DNAJA4: variants seen among roughly 807,000 people sequenced by gnomAD.
DNAJA4 encodes the protein dnaJ homolog subfamily A member 4.
In DNAJA4, 32 loss-of-function variants were observed where a neutral mutation model predicts 39.7. The observed-to-expected ratio is 0.81, with a 90% CI of 0.61 to 1.08. The LOEUF (loss-of-function observed/expected upper bound fraction) is 1.08. Ranked by LOEUF, DNAJA4 falls within the 50% of genes least tolerant of loss-of-function variation. The probability of loss-of-function intolerance (pLI) is 0.00; values close to 1 mark genes in which losing one functional copy is unlikely to be tolerated. For missense variants in DNAJA4, 439 were observed against 505.1 expected (o/e 0.87, Z 1.25); for synonymous variants, 184 against 182.4 (o/e 1.01, Z -0.07).
intron 2 of DNAJA4, among the ~76,000 whole-genome samples, chr15:78,272,712 A>G (rs953330782): frequency 1.3e-5 from 2 of 152,240 alleles, no homozygotes; most frequent in African/African-American, 4.8e-5. Context: ...GCTGCCAAAC[A>G]TTTATGTATA....
rs1341699510 is a variant in DNAJA4, at chr15:78,264,587, T to G, written c.-177T>G. On this transcript the variant is annotated 5_prime_UTR_variant, in exon 1 of 7. Transcript: ENST00000394852. Reference sequence around the variant, plus strand: ...AGTGCGGTGGAGCCAGGCGTGGAAGTCGGTCCGGCGCGGGGCGGGGGGCGG... The same window carrying G: ...AGTGCGGTGGAGCCAGGCGTGGAAGGCGGTCCGGCGCGGGGCGGGGGGCGG... 2.3e-5 allele frequency: 24 copies of G among 1,049,008 alleles called. No homozygotes were observed. In the East Asian group the frequency reaches 6.6e-4, roughly 29 times the overall value. The allele number at this position is 1,049,008 out of a possible 1,614,324, so 65.0% of individuals were successfully genotyped here.
chr15:78,267,240 C>T (rs552631613), intron 1 of DNAJA4, among the ~76,000 whole-genome samples: 2 of 146,876 alleles, frequency 1.4e-5, no homozygotes, highest in East Asian at 3.9e-4. Flanking sequence ...TCCACTTTAT[C>T]ACAGGTAGAA....
At chr15:78,270,476 C>A in intron 1 of DNAJA4, 21 bp from the exon 2 acceptor site, 1 of 1,579,808 alleles carries the variant, frequency 6.3e-7, no homozygotes, top group Non-Finnish European at 8.6e-7. Context: ...CTAAAAATCT[C>A]TCTCTCTCTC....
rs551287806 is a variant in DNAJA4, at chr15:78,276,425, A to G, written c.877+697A>G. On this transcript the variant is annotated intron_variant, in intron 5 of 6. Transcript: ENST00000394852. ...TCCTGAGGCCTGAGCTCAGCCCCCA[A>G]CCCCCCTGTAGACACCAGGGCACTC... is the stretch of plus-strand genomic sequence containing the variant. Among the ~76,000 whole-genome samples the G allele has an allele frequency of 5.9e-5, 9 of 152,216 alleles. No homozygotes were observed. In the South Asian group the frequency reaches 1.0e-3, roughly 18 times the overall value.
rs1439658943 is a variant in DNAJA4, at chr15:78,279,236, C to T, written c.878-809C>T. 1 of 152,146 alleles carries T rather than the reference C, an allele frequency of 6.6e-6. No homozygotes were observed. Among genetic ancestry groups the T allele is most frequent in the South Asian group, 2.1e-4 (1 of 4,824 alleles). The allele number at this position is 152,146 out of a possible 1,614,324, so 9.4% of individuals were successfully genotyped here. A position where few individuals can be genotyped will look rare whatever the true frequency, so the allele number is the denominator to read the frequency against. On this transcript the variant is annotated intron_variant, in intron 5 of 6. Coordinates refer to ENST00000394852, the MANE Select transcript of DNAJA4 (RefSeq NM_001130182.2). This position sits in a 1 kb window ranked among gnomAD's most constrained non-coding sequence, Gnocchi z 4.5. Reference sequence around the variant, plus strand: ...GGACTGCTGAAGAAATTAGTGTTTCCATTCCCCTCCACCGTCTCCCCCATT... The same window carrying T: ...GGACTGCTGAAGAAATTAGTGTTTCTATTCCCCTCCACCGTCTCCCCCATT...
intron 1 of DNAJA4, 75 bp downstream of exon 1, chr15:78,264,970 C>G: frequency 7.0e-7 from 1 of 1,423,524 alleles, no homozygotes. Context: ...TTGAAGGCGA[C>G]GGGAAACCTG....
chr15:78,274,705 G>A (rs1461559024), intron 4 of DNAJA4: 3 of 451,080 alleles, frequency 6.7e-6, no homozygotes, highest in African/African-American at 2.0e-5. Flanking sequence ...ACCTGGCCTT[G>A]GTTTGGGTTA....
At position 78,275,275 on chromosome 15, in the gene DNAJA4, C is replaced by G; in HGVS notation, c.647-223C>G. ...CCTGGGATGTAGAGCCGCATTCCCC[C>G]ACTCCCTGTGCATGCTGGGCTTGGC... On this transcript the variant is annotated intron_variant, in intron 4 of 6. Transcript: ENST00000394852. The G allele has an allele frequency of 5.4e-6, 3 of 554,160 alleles. No individual in the cohort carries two copies. In the Admixed American group the frequency reaches 9.4e-5, roughly 17 times the overall value. 34.3% of individuals were successfully genotyped at this position (554,160 alleles called of 1,614,324 possible). A position where few individuals can be genotyped will look rare whatever the true frequency, so the allele number is the denominator to read the frequency against.
At chr15:78,264,369 A>G, upstream of DNAJA4, 1 of 1,447,972 alleles carries the variant, frequency 6.9e-7, no homozygotes, top group Non-Finnish European at 9.0e-7. Flanking sequence ...GGGCAGCCAA[A>G]GGAGCAGACG....
rs1595929968 is a variant in DNAJA4 at position 78,279,956 on chromosome 15, A to G, written c.878-89A>G. On this transcript the variant is annotated intron_variant, in intron 5 of 6. Coordinates refer to ENST00000394852, the MANE Select transcript of DNAJA4 (RefSeq NM_001130182.2). This position sits in a 1 kb window ranked among gnomAD's most constrained non-coding sequence, Gnocchi z 4.5. Reference sequence around the variant, plus strand: ...CCTTTGCCCACTGCCACGGGGCACTAGGGCCTGCCGCAGGCTCTCCCATGA... The same window carrying G: ...CCTTTGCCCACTGCCACGGGGCACTGGGGCCTGCCGCAGGCTCTCCCATGA... 3 of 1,288,746 alleles carry G rather than the reference A, an allele frequency of 2.3e-6. No individual in the cohort carries two copies. Among genetic ancestry groups the G allele is most frequent in the Admixed American group, 2.0e-5 (1 of 49,528 alleles). 79.8% of individuals were successfully genotyped at this position (1,288,746 alleles called of 1,614,324 possible). A position where few individuals can be genotyped will look rare whatever the true frequency, so the allele number is the denominator to read the frequency against.
At chr15:78,277,366 G>C (rs1054857317) in intron 5 of DNAJA4, among the ~76,000 whole-genome samples, 1 of 152,300 alleles carries the variant, frequency 6.6e-6, no homozygotes, top group African/African-American at 2.4e-5. Context: ...ATGTTGCCCA[G>C]ACTTGTGTGT....
intron 1 of DNAJA4, among the ~76,000 whole-genome samples, chr15:78,269,817 C>G (rs1342725604): frequency 6.6e-6 from 1 of 151,316 alleles, no homozygotes; most frequent in Non-Finnish European, 1.5e-5. Context: ...TGATTCTTTT[C>G]GTACAATTGG....
chr15:78,281,039 G>C lies in DNAJA4; in HGVS notation c.*579G>C, dbSNP rs2049640230. Reference sequence around the variant, plus strand: ...TAACAGGGCCAACTTAGTTCCTACTGTTCTGTGCCCTTCAGTGGATGGAAC... The same window carrying C: ...TAACAGGGCCAACTTAGTTCCTACTCTTCTGTGCCCTTCAGTGGATGGAAC... On this transcript the variant is annotated 3_prime_UTR_variant, in exon 7 of 7. Coordinates refer to ENST00000394852, the MANE Select transcript of DNAJA4 (RefSeq NM_001130182.2). The C allele has an allele frequency of 6.5e-6, 1 of 154,100 alleles. No individual in the cohort carries two copies. The highest frequency in any genetic ancestry group is 1.4e-5 in the Non-Finnish European group (1 of 69,106). 9.5% of individuals were successfully genotyped at this position (154,100 alleles called of 1,614,324 possible).
upstream of DNAJA4, chr15:78,264,348 G>A (rs1468657367): frequency 3.5e-6 from 5 of 1,448,970 alleles, no homozygotes; most frequent in East Asian, 1.5e-4. Context: ...TGGAGCTCCG[G>A]GGAATCAGAC....
At chr15:78,264,172 G>A (rs1013881243), upstream of DNAJA4, 3 of 530,320 alleles carry the variant, frequency 5.7e-6, no homozygotes, top group African/African-American at 4.0e-5. Context: ...CAGGGCTCCG[G>A]CCAACACAGC....
In DNAJA4 at chr15:78,279,782, C is replaced by G. The variant is rs923942097; in HGVS notation, c.878-263C>G. On this transcript the variant is annotated intron_variant, in intron 5 of 6. Coordinates refer to ENST00000394852, the MANE Select transcript of DNAJA4 (RefSeq NM_001130182.2). The surrounding 1 kb of genome is among the most constrained non-coding windows in gnomAD (Gnocchi z 4.5). ...TCTAGTTCACTTGTTTTAAACCTAC[C>G]TGTGATGGCAGCTGCACCATGCTGC... 48 of 529,482 alleles carry G rather than the reference C, an allele frequency of 9.1e-5. No homozygotes were observed. The highest frequency in any genetic ancestry group is 1.5e-4 in the Non-Finnish European group (45 of 298,626). The allele number at this position is 529,482 out of a possible 1,614,324, so 32.8% of individuals were successfully genotyped here. A position where few individuals can be genotyped will look rare whatever the true frequency, so the allele number is the denominator to read the frequency against.
At chr15:78,264,463 A>C, upstream of DNAJA4, 1 of 1,321,792 alleles carries the variant, frequency 7.6e-7, no homozygotes, top group South Asian at 1.9e-5. Flanking sequence ...GGCCGCCGGA[A>C]CCTCCGCGAA....
intron 5 of DNAJA4, among the ~76,000 whole-genome samples, chr15:78,277,296 C>A (rs1477194890): frequency 6.6e-6 from 1 of 152,114 alleles, no homozygotes. Context: ...GTAGCTGGGA[C>A]AGCCACATGC....
In DNAJA4 at chr15:78,280,580, AT is replaced by A. The variant is rs1163232205; in HGVS notation, c.*122del. 39 of 811,376 alleles carry A rather than the reference AT, an allele frequency of 4.8e-5. No homozygotes were observed. The Admixed American group carries it at 1.1e-3, about 23-fold the overall frequency. 50.3% of individuals were successfully genotyped at this position (811,376 alleles called of 1,614,324 possible). A position where few individuals can be genotyped will look rare whatever the true frequency, so the allele number is the denominator to read the frequency against. On this transcript the variant is annotated 3_prime_UTR_variant, in exon 7 of 7. Coordinates refer to ENST00000394852, the MANE Select transcript of DNAJA4 (RefSeq NM_001130182.2). Reference sequence around the variant, plus strand: ...GGGATGTCCTGTGTATGTGTTCAGCATTCTTAATTGCTGAGTGTCTTTTTGG... The same window carrying A: ...GGGATGTCCTGTGTATGTGTTCAGCATCTTAATTGCTGAGTGTCTTTTTGG...
Sources: allele counts gnomAD v4.1 joint callset (sites outside exome capture counted in the v4.1 genomes callset), GRCh38; gene constraint gnomAD v4.1.1; non-coding constraint Gnocchi (gnomAD v3.1); transcripts MANE v1.5; gene names NCBI Gene and HGNC (gene_info 2026-07-23, HGNC 2026-07-21).